Variants in KANK1 observed in about 807,000 individuals in gnomAD.
KANK1 encodes the protein KN motif and ankyrin repeat domains 1.
Under a neutral mutation model 106.2 loss-of-function variants are expected in KANK1, and 109 were observed. The observed-to-expected ratio is 1.03, with a 90% confidence interval of 0.88 to 1.20. KANK1 has a LOEUF of 1.20. Among genes scored for constraint, KANK1 ranks in the 50% most tolerant of loss-of-function variants. The pLI, the probability that KANK1 is intolerant of heterozygous loss-of-function variation, is 0.00. For synonymous variants in KANK1, 873 were observed against 652.2 expected (o/e 1.34, Z -5.16); for missense variants, 2,399 against 1,710.7 (o/e 1.40, Z -7.10).
At chr9:556,989 T>A (rs1174083713) in intron 1 of KANK1, among the ~76,000 whole-genome samples, 1 of 152,124 alleles carries the variant, frequency 6.6e-6, no homozygotes, top group African/African-American at 2.4e-5. Context: ...TTGTTAATTT[T>A]GTTAGGTTTG....
At chr9:619,149 C>A (rs1371708535) in intron 1 of KANK1, among the ~76,000 whole-genome samples, 3 of 152,180 alleles carry the variant, frequency 2.0e-5, no homozygotes, top group Middle Eastern at 3.2e-3. Flanking sequence ...AGTTCTGAAT[C>A]CTCAGTTCTT....
In KANK1 at chr9:727,679, C is replaced by CGT. The variant is rs1564092313; in HGVS notation, c.2699-2372_2699-2371insGT. 6.2e-4 allele frequency among the ~76,000 whole-genome samples: 76 copies of CGT among 121,906 alleles called. 1 individual carries two copies. The highest frequency in any genetic ancestry group is 6.2e-3 in the South Asian group (24 of 3,888). The allele number at this position is 121,906 out of a possible 152,430, so 80.0% of individuals were successfully genotyped here. A position where few individuals can be genotyped will look rare whatever the true frequency, so the allele number is the denominator to read the frequency against. On this transcript the variant is annotated intron_variant, in intron 3 of 11. Transcript: ENST00000382297. The stretch of plus-strand genomic sequence containing the variant: ...TTTAGCACAGAGTCAGATAACTTTT[C>CGT]ATGTGTGTGTGTGTGTGTGTGTGTG...
chr9:607,360 C>G (rs1317803594), intron 1 of KANK1, among the ~76,000 whole-genome samples: 2 of 151,342 alleles, frequency 1.3e-5, no homozygotes, highest in African/African-American at 2.5e-5. Flanking sequence ...CGACGCACAC[C>G]TGTAGTCCCA....
chr9:607,101 C>G lies in KANK1; in HGVS notation c.-83-69789C>G, dbSNP rs540505102. Among the ~76,000 whole-genome samples the G allele has an allele frequency of 2.6e-5, 4 of 151,950 alleles. No homozygotes were observed. The East Asian group carries it at 5.8e-4, about 22-fold the overall frequency. On this transcript the variant is annotated intron_variant, in intron 1 of 11. Transcript: ENST00000382297. ...TAGACTAGTAATTAATACAGTGTCA[C>G]TCTCTTTCACCTTCCTCAATTCCTT...
chr9:559,389 T>G (rs1815770729), intron 1 of KANK1, among the ~76,000 whole-genome samples: 1 of 129,056 alleles, frequency 7.7e-6, no homozygotes, highest in Non-Finnish European at 1.8e-5. Context: ...ATGACTTTTT[T>G]ATTGGAGAGG....
chr9:678,309 A>G (rs1816811450), intron 2 of KANK1, among the ~76,000 whole-genome samples: 1 of 152,208 alleles, frequency 6.6e-6, no homozygotes. Context: ...GGTGCCTAAA[A>G]TGCTTTGCCT....
At chr9:661,775 C>T (rs1406883247) in intron 1 of KANK1, among the ~76,000 whole-genome samples, 2 of 152,124 alleles carry the variant, frequency 1.3e-5, no homozygotes, top group African/African-American at 4.8e-5. Context: ...TCCACATCCT[C>T]TTTAGCACCT....
intron 2 of KANK1, among the ~76,000 whole-genome samples, chr9:710,114 T>G (rs1287827623): frequency 2.0e-5 from 3 of 151,990 alleles, no homozygotes; most frequent in Non-Finnish European, 2.9e-5. Flanking sequence ...GTGTGCACTA[T>G]TTGGGTGATG....
chr9:667,936 A>G (rs6477092), intron 1 of KANK1, among the ~76,000 whole-genome samples: 136,270 of 151,918 alleles, frequency 0.9, 61,267 homozygotes, highest in East Asian at 0.97. Context: ...TTGCCATGTT[A>G]GTCAGGCTGG....
intron 1 of KANK1, among the ~76,000 whole-genome samples, chr9:506,527 G>GGTGTGTGT (rs36217612): frequency 6.7e-6 from 1 of 149,548 alleles, no homozygotes; most frequent in Admixed American, 6.7e-5. Flanking sequence ...GTGAGTTCTG[G>GGTGTGTGT]GTGTGTGTGT....
chr9:742,119 C>A (rs78149639), intron 9 of KANK1, 86 bp from the exon 10 acceptor site: 4 of 1,138,142 alleles, frequency 3.5e-6, no homozygotes, highest in African/African-American at 3.1e-5. Flanking sequence ...CCACACTCTT[C>A]CCCCTTTCCC....
chr9:475,384 G>A (rs2058085559), intron 3 of KANK1, among the ~76,000 whole-genome samples: 1 of 152,202 alleles, frequency 6.6e-6, no homozygotes, highest in Admixed American at 6.5e-5. Context: ...ATGCCAACCT[G>A]TAAGACCGCA....
chr9:629,161 T>C (rs1315781437), intron 1 of KANK1, among the ~76,000 whole-genome samples: 1 of 152,024 alleles, frequency 6.6e-6, no homozygotes, highest in African/African-American at 2.4e-5. Context: ...ATCAGTGAGA[T>C]CTCAGATCTG....
chr9:665,248 A>C (rs565846912), intron 1 of KANK1, among the ~76,000 whole-genome samples: 12 of 152,134 alleles, frequency 7.9e-5, no homozygotes, highest in African/African-American at 2.9e-4. Flanking sequence ...GCCCAGACCA[A>C]TGTCCTGGAG....
intron 2 of KANK1, among the ~76,000 whole-genome samples, chr9:704,992 CAAAAAAAAAAAAAAAAA>C (rs71314728): frequency 1.9e-5 from 1 of 53,094 alleles, no homozygotes; most frequent in Non-Finnish European, 3.2e-5. Flanking sequence ...GACCCTGTCT[CAAAAAAAAAAAAAAAAA>C]AAAAAAAAGA....
chr9:670,931 C>A lies in KANK1; in HGVS notation c.-83-5959C>A, dbSNP rs1485115880. 4.4e-5 allele frequency among the ~76,000 whole-genome samples: 6 copies of A among 135,506 alleles called. No homozygotes were observed. In the East Asian group the frequency reaches 1.3e-3, roughly 29 times the overall value. 88.9% of individuals were successfully genotyped at this position (135,506 alleles called of 152,430 possible). ...GTGTCACAGATATGAAAATCTGATT[C>A]TCTTACTGTCTGCTGGAGTTTTTTT... is the stretch of plus-strand genomic sequence containing the variant. On this transcript the variant is annotated intron_variant, in intron 1 of 11. Transcript: ENST00000382297.
chr9:545,891 A>G (rs59974343), intron 1 of KANK1, among the ~76,000 whole-genome samples: 12,871 of 151,898 alleles, frequency 0.085, 899 homozygotes, highest in African/African-American at 0.19. Flanking sequence ...GATTACAGGC[A>G]TGCACCACCA....
At position 713,051 on chromosome 9, in the gene KANK1, G is replaced by C; in HGVS notation, c.2285G>C (p.Gly762Ala). The change falls in exon 3 of 12, where the codon GGG (glycine) becomes GCG (alanine). Residue 762 changes from glycine (G) to alanine (A), a missense_variant. By Grantham distance (60) the Gly-to-Ala change is moderately conservative (BLOSUM62 0). Transcript: ENST00000382297. ...GTGAAGACCAAAGAGTCAGGTGTGG[G>C]GCAGATAAATATTAACGACAACTAT... ...SAVKTKESGV[G>A]QININDNYLV... The C allele has an allele frequency of 6.2e-7, 1 of 1,614,182 alleles. No homozygotes were observed. Among genetic ancestry groups the C allele is most frequent in the Non-Finnish European group, 8.5e-7 (1 of 1,180,018 alleles).
chr9:541,959 G>A (rs1404881968), intron 1 of KANK1, among the ~76,000 whole-genome samples: 1 of 151,046 alleles, frequency 6.6e-6, no homozygotes, highest in East Asian at 1.9e-4. Context: ...CGTGGTAGCG[G>A]GCCCCTGTAG....
Sources: allele counts gnomAD v4.1 joint callset (sites outside exome capture counted in the v4.1 genomes callset), GRCh38; gene constraint gnomAD v4.1.1; transcripts MANE v1.5; gene names NCBI Gene and HGNC (gene_info 2026-07-23, HGNC 2026-07-21).